TBX3: variants seen among roughly 807,000 people sequenced by gnomAD.
TBX3 encodes the protein T-box transcription factor TBX3.
A neutral mutation model predicts 47.8 loss-of-function variants in TBX3; 11 were observed. The ratio of observed to expected loss-of-function variants is 0.23; its 90% CI spans 0.14 to 0.38. The LOEUF (loss-of-function observed/expected upper bound fraction) is 0.38, where lower values mean the gene tolerates loss of function less well. TBX3 is among the 10% of genes least tolerant of loss of function. The pLI, the probability that TBX3 is intolerant of heterozygous loss-of-function variation, is 1.00. For synonymous variants in TBX3, 500 were observed against 449.3 expected (o/e 1.11, Z -1.43); for missense variants, 927 against 1,022.8 (o/e 0.91, Z 1.28).
At chr12:114,673,522 G>C (rs1868550668) in intron 6 of TBX3, among the ~76,000 whole-genome samples, 1 of 152,144 alleles carries the variant, frequency 6.6e-6, no homozygotes, top group African/African-American at 2.4e-5. Context: ...CTTGGGGTTG[G>C]GGGTGGGGAG....
chr12:114,673,243 G>A (rs1868527606), intron 6 of TBX3, among the ~76,000 whole-genome samples: 1 of 152,226 alleles, frequency 6.6e-6, no homozygotes, highest in South Asian at 2.1e-4. Context: ...CCTCCTCCCT[G>A]GAGTGGGGAG....
At chr12:114,680,424 A>C in intron 2 of TBX3, 1 of 286,520 alleles carries the variant, frequency 3.5e-6, no homozygotes, top group South Asian at 4.1e-5. Flanking sequence ...TTTTAGTAAA[A>C]GAACGAGTTT....
chr12:114,678,021 CACA>C (rs1231592670), intron 3 of TBX3, among the ~76,000 whole-genome samples: 2 of 35,146 alleles, frequency 5.7e-5, no homozygotes, highest in East Asian at 1.3e-3. Flanking sequence ...ATACTCCCTT[CACA>C]CACACACACA....
At chr12:114,674,088 G>A in intron 6 of TBX3, 77 bp downstream of exon 6, 1 of 1,532,858 alleles carries the variant, frequency 6.5e-7, no homozygotes, top group Non-Finnish European at 8.8e-7. Flanking sequence ...GGGATCGGGT[G>A]AGGGTCTGCT....
rs1014454658 is a variant in TBX3 at position 114,684,099 on chromosome 12, A to G, written c.-899T>C. 9 of 228,488 alleles carry G rather than the reference A, an allele frequency of 3.9e-5. No homozygotes were observed. The highest frequency in any genetic ancestry group is 2.3e-4 in the Admixed American group (4 of 17,532). The allele number at this position is 228,488 out of a possible 1,614,324, so 14.2% of individuals were successfully genotyped here. ...GAGAGAGAGAGAGAGAGAGAGACGG[A>G]GTCGGAGAGGGAGGGAGCGAGAGAA... is the stretch of plus-strand genomic sequence containing the variant. On this transcript the variant is annotated 5_prime_UTR_variant, in exon 1 of 7. Transcript: ENST00000349155.
At chr12:114,675,662 GTGTGTGTGTGT>G (rs1334404954) in intron 5 of TBX3, among the ~76,000 whole-genome samples, 3 of 99,178 alleles carry the variant, frequency 3.0e-5, no homozygotes, top group Non-Finnish European at 6.7e-5. Context: ...GTGTGTGTGT[GTGTGTGTGTGT>G]GTCTTTCCAA....
intron 3 of TBX3, among the ~76,000 whole-genome samples, chr12:114,678,116 G>A (rs910416225): frequency 6.7e-6 from 1 of 149,370 alleles, no homozygotes; most frequent in Non-Finnish European, 1.5e-5. Flanking sequence ...GTGCGGGAGT[G>A]AGTGCGGGAG....
At position 114,674,603 on chromosome 12, in the gene TBX3, G is replaced by A. The variant is rs373444687; in HGVS notation, c.1272C>T (p.Ser424=). 3.8e-6 allele frequency: 6 copies of A among 1,599,598 alleles called. No individual in the cohort carries two copies. The highest frequency in any genetic ancestry group is 2.7e-5 in the African/African-American group (2 of 74,728). ...CCTCCGCGCCCAGGCCGCGAGTGCT[G>A]GACGAGATGGTGGCGGGGCTATGGC... ...DSRHSPATIS[S]STRGLGAEER... is the part of the protein sequence containing the mutation. The change falls in exon 6 of 7, where the codon TCC becomes TCT. Residue 424 remains serine (S), a synonymous_variant. Transcript: ENST00000349155.
intron 6 of TBX3, among the ~76,000 whole-genome samples, chr12:114,673,841 G>A (rs1387613832): frequency 2.0e-5 from 3 of 152,222 alleles, no homozygotes; most frequent in African/African-American, 7.2e-5. Flanking sequence ...CCCCTGAAGG[G>A]TTAGGTCAAA....
intron 2 of TBX3, chr12:114,680,164 C>T (rs916247680): frequency 1.9e-5 from 12 of 633,340 alleles, no homozygotes; most frequent in Non-Finnish European, 2.8e-5. Flanking sequence ...GCGCCATTCG[C>T]GTCTTCCTGG....
Position 114,679,555 on chromosome 12 carries a change from A to G in TBX3, c.754T>C (p.Leu252=), listed in dbSNP as rs1284351686. The part of the protein sequence containing the change: ...KLPYSTFRTY[L]FPETEFIAVT... ...GCGATGAATTCAGTTTCGGGGAACA[A>G]GTATGTCCGAAATGTACTATAAGGG... is the stretch of plus-strand genomic sequence containing the variant. The change falls in exon 3 of 7, where the codon TTG becomes CTG. Residue 252 remains leucine (L), a synonymous_variant. Transcript: ENST00000349155. 6.2e-7 allele frequency: 1 copy of G among 1,614,210 alleles called. No homozygotes were observed. The highest frequency in any genetic ancestry group is 8.5e-7 in the Non-Finnish European group (1 of 1,180,032).
Position 114,677,776 on chromosome 12 carries a change from A to G in TBX3, c.805-120T>C, listed in dbSNP as rs978955872. The G allele has an allele frequency of 5.6e-6, 5 of 897,304 alleles. No homozygotes were observed. The African/African-American group carries it at 8.3e-5, about 15-fold the overall frequency. 55.6% of individuals were successfully genotyped at this position (897,304 alleles called of 1,614,324 possible). On this transcript the variant is annotated intron_variant, in intron 3 of 6. Coordinates refer to ENST00000349155, the MANE Select transcript of TBX3 (RefSeq NM_005996.4). ...GACTGCCAACAGAAGTCATATAGAT[A>G]TGCCAGGGAAAGGAGATAATAAGGA...
At chr12:114,677,554 T>C (rs1868763305) in intron 4 of TBX3, 26 bp downstream of exon 4, 2 of 1,610,896 alleles carry the variant, frequency 1.2e-6, no homozygotes, top group Admixed American at 1.7e-5. Flanking sequence ...TTCTAAACTA[T>C]CTAATAAATA....
In TBX3 at chr12:114,672,225, A is replaced by T; in HGVS notation, c.1788T>A (p.Ser596=). 1.3e-6 allele frequency: 2 copies of T among 1,574,428 alleles called. No homozygotes were observed. The highest frequency in any genetic ancestry group is 1.7e-6 in the Non-Finnish European group (2 of 1,161,004). ...TYMAAAAAAS[S]AAASSSVHRH... ...GGTGCACCGAGCTGGAGGCTGCCGCAGAGGAGGCGGCCGCCGCTGCGGCCA... is the reference window on the plus strand; with the variant it reads ...GGTGCACCGAGCTGGAGGCTGCCGCTGAGGAGGCGGCCGCCGCTGCGGCCA... Residue 596 remains serine (S), a synonymous_variant, in exon 7 of 7, where the codon TCT becomes TCA. Transcript: ENST00000349155.
intron 2 of TBX3, 65 bp from the exon 3 acceptor site, chr12:114,679,716 G>C (rs1216348818): frequency 6.2e-7 from 1 of 1,609,892 alleles, no homozygotes; most frequent in African/African-American, 1.3e-5. Context: ...CGGGATCTTA[G>C]GACCCCTGCC....
Position 114,674,593 on chromosome 12 carries a change from C to T in TBX3, c.1282G>A (p.Gly428Ser), listed in dbSNP as rs1418131493. The T allele has an allele frequency of 1.3e-6, 2 of 1,593,754 alleles. No homozygotes were observed. Among genetic ancestry groups the T allele is most frequent in the Non-Finnish European group, 1.7e-6 (2 of 1,172,022 alleles). The change falls in exon 6 of 7, where the codon GGC becomes AGC. Residue 428 changes from glycine (G) to serine (S), a missense_variant. Physicochemically the swap from Gly to Ser is moderately conservative, Grantham distance 56 (BLOSUM62 0). Around this residue, in one of 5 missense-constraint regions of TBX3, gnomAD observed 623 missense variants for 569.0 expected, o/e 1.09. Transcript: ENST00000349155. ...SPATISSSTR[G>S]LGAEERRSPV... ...CTCCTGCGCTCCTCCGCGCCCAGGC[C>T]GCGAGTGCTGGACGAGATGGTGGCG...
At position 114,671,746 on chromosome 12, in the gene TBX3, C is replaced by A; in HGVS notation, c.*95G>T. 1 of 1,494,610 alleles carries A rather than the reference C, an allele frequency of 6.7e-7. No homozygotes were observed. Among genetic ancestry groups the A allele is most frequent in the South Asian group, 1.2e-5 (1 of 82,146 alleles). 92.6% of individuals were successfully genotyped at this position (1,494,610 alleles called of 1,614,324 possible). ...CCAGACGCAACTGCAAAAGGAAGGG[C>A]TAACGCCATGGCGGGCCCGTGGTTT... On this transcript the variant is annotated 3_prime_UTR_variant, in exon 7 of 7. Coordinates refer to ENST00000349155, the MANE Select transcript of TBX3 (RefSeq NM_005996.4).
At chr12:114,680,176 C>CGT in intron 2 of TBX3, 1 of 608,468 alleles carries the variant, frequency 1.6e-6, no homozygotes, top group Non-Finnish European at 2.9e-6. Context: ...TCTTCCTGGG[C>CGT]CTAATCTTTC....
rs1029030166 is a variant in TBX3, at chr12:114,683,106, G to A, written c.95C>T (p.Ala32Val). 4 of 1,612,276 alleles carry A rather than the reference G, an allele frequency of 2.5e-6. No individual in the cohort carries two copies. The highest frequency in any genetic ancestry group is 1.1e-5 in the South Asian group (1 of 91,066). Residue 32 changes from alanine to valine, a missense_variant, in exon 1 of 7, where the codon GCG becomes GTG. By Grantham distance (64) the Ala-to-Val change is moderately conservative. Around this residue, in one of 5 missense-constraint regions of TBX3, gnomAD observed 216 missense variants for 281.2 expected, o/e 0.77. Transcript: ENST00000349155. This position sits in a 1 kb window ranked among gnomAD's most constrained non-coding sequence, Gnocchi z 7.7. ...PHRAPDFAMS[A>V]VLGHQPPFFP... ...GAACGGCGGCTGGTGACCCAGCACC[G>A]CGCTCATGGCGAAGTCCGGCGCCCG...
Sources: allele counts gnomAD v4.1 joint callset (sites outside exome capture counted in the v4.1 genomes callset), GRCh38; gene constraint gnomAD v4.1.1; regional missense constraint gnomAD v4.1.1; non-coding constraint Gnocchi (gnomAD v3.1); transcripts MANE v1.5; gene names NCBI Gene and HGNC (gene_info 2026-07-23, HGNC 2026-07-21).